FADS6: variants seen among roughly 807,000 people sequenced by gnomAD.
FADS6 encodes the protein fatty acid desaturase domain family, member 6.
Under a neutral mutation model 31.7 loss-of-function variants are expected in FADS6, and 28 were observed. The observed-to-expected ratio is 0.88, with a 90% CI of 0.66 to 1.21. The LOEUF is 1.21. Ranked by LOEUF, FADS6 falls within the 50% of genes most tolerant of loss-of-function variation. FADS6 has a pLI of 0.00. For synonymous variants in FADS6, 191 were observed against 213.1 expected (o/e 0.90, Z 0.90); for missense variants, 494 against 504.2 (o/e 0.98, Z 0.19).
intron 3 of FADS6, among the ~76,000 whole-genome samples, chr17:74,881,574 CTGTGGT>C (rs991162790): frequency 6.6e-6 from 1 of 151,732 alleles, no homozygotes; most frequent in African/African-American, 2.4e-5. Context: ...TGGCGCACAC[CTGTGGT>C]CCCAGCTACT....
chr17:74,884,521 C>A (rs2038604150), intron 2 of FADS6, among the ~76,000 whole-genome samples: 1 of 152,154 alleles, frequency 6.6e-6, no homozygotes, highest in Admixed American at 6.5e-5. Context: ...GTTTCACGGG[C>A]TCAGCGTTCT....
At chr17:74,886,238 CAAAAAAA>C (rs550950451) in intron 2 of FADS6, among the ~76,000 whole-genome samples, 2 of 42,144 alleles carry the variant, frequency 4.7e-5, no homozygotes, top group South Asian at 8.0e-4. Context: ...GATTCCATCT[CAAAAAAA>C]AAAAAAAAAA....
intron 2 of FADS6, 66 bp from the exon 3 acceptor site, chr17:74,882,776 T>A (rs748214032): frequency 1.3e-6 from 2 of 1,552,110 alleles, no homozygotes; most frequent in African/African-American, 2.7e-5. Context: ...TGCAGGACCT[T>A]TGAGAGCCCG....
Position 74,878,241 on chromosome 17 carries a change from G to A in FADS6, c.*90C>T, listed in dbSNP as rs1288343518. On this transcript the variant is annotated 3_prime_UTR_variant, in exon 6 of 6. Transcript: ENST00000612771. The stretch of plus-strand genomic sequence containing the variant: ...CCTCCACTCTCCAGGTCCACCACCA[G>A]CCACTGAGCCACACCCCCTGGACCA... 5 of 1,480,560 alleles carry A rather than the reference G, an allele frequency of 3.4e-6. No individual in the cohort carries two copies. The highest frequency in any genetic ancestry group is 2.5e-5 in the East Asian group (1 of 39,612). The allele number at this position is 1,480,560 out of a possible 1,614,324, so 91.7% of individuals were successfully genotyped here. A position where few individuals can be genotyped will look rare whatever the true frequency, so the allele number is the denominator to read the frequency against.
Position 74,882,589 on chromosome 17 carries a change from T to C in FADS6, c.533A>G (p.Tyr178Cys), listed in dbSNP as rs2144711452. Residue 178 changes from tyrosine to cysteine, a missense_variant, in exon 3 of 6, where the codon TAT (tyrosine) becomes TGT (cysteine). Coordinates refer to ENST00000612771, the MANE Select transcript of FADS6 (RefSeq NM_178128.6). ...GAAAGGAGCAAGGAACATGTAGACA[T>C]AGCGGTTGAGGCAAGGCAGCCTCCA... The part of the protein sequence containing the change: ...STWRLPCLNR[Y>C]VYMFLAPFLL... The C allele has an allele frequency of 1.2e-6, 2 of 1,612,020 alleles. No homozygotes were observed. Among genetic ancestry groups the C allele is most frequent in the Non-Finnish European group, 8.5e-7 (1 of 1,179,218 alleles).
At chr17:74,888,159 C>CGT (rs2038648734) in intron 2 of FADS6, among the ~76,000 whole-genome samples, 5 of 95,198 alleles carry the variant, frequency 5.3e-5, no homozygotes, top group Admixed American at 1.8e-4. Flanking sequence ...CACACACGCG[C>CGT]GCGCGCGCGC....
intron 3 of FADS6, 58 bp from the exon 4 acceptor site, chr17:74,881,313 G>A: frequency 6.7e-7 from 1 of 1,489,450 alleles, no homozygotes; most frequent in Non-Finnish European, 9.0e-7. Context: ...GCTCCCTGCT[G>A]GCTCAAGCGT....
chr17:74,892,420 C>CT, intron 2 of FADS6, 103 bp downstream of exon 2: 1 of 1,404,458 alleles, frequency 7.1e-7, no homozygotes, highest in Non-Finnish European at 9.6e-7. Context: ...GGCCTGCCCC[C>CT]GTGGGCACAT....
rs960519329 is a variant in FADS6 at position 74,892,561 on chromosome 17, T to C, written c.373A>G (p.Lys125Glu). 4 of 1,613,462 alleles carry C rather than the reference T, an allele frequency of 2.5e-6. No homozygotes were observed. Among genetic ancestry groups the C allele is most frequent in the Non-Finnish European group, 1.7e-6 (2 of 1,179,682 alleles). ...LATHGALTES[K>E]RWSKIWLLFF... ...AGCAGCCAGATCTTGCTCCAGCGTT[T>C]GGACTCGGTGAGGGCCCCATGAGTG... Residue 125 changes from lysine to glutamate, a missense_variant, in exon 2 of 6, where the codon AAA becomes GAA. Physicochemically the swap from Lys to Glu is moderately conservative, Grantham distance 56 (BLOSUM62 1). Around this residue, in one of 2 missense-constraint regions of FADS6, gnomAD observed 454 missense variants for 438.5 expected, o/e 1.04. Transcript: ENST00000612771.
chr17:74,879,333 G>A, intron 5 of FADS6, 71 bp downstream of exon 5: 2 of 1,553,018 alleles, frequency 1.3e-6, no homozygotes, highest in Non-Finnish European at 1.7e-6. Context: ...ACGCCCCCAG[G>A]CCGAAGAATC....
In FADS6 at chr17:74,878,338, C is replaced by G. The variant is rs746564981; in HGVS notation, c.1100G>C (p.Gly367Ala). ...VQAPPITELV[G>A]L Reference sequence around the variant, plus strand: ...TGCACCGGCCCGGCCTCATTACAGCCCCACAAGCTCAGTGATGGGTGGGGC... The same window carrying G: ...TGCACCGGCCCGGCCTCATTACAGCGCCACAAGCTCAGTGATGGGTGGGGC... The change falls in exon 6 of 6, where the codon GGG becomes GCG. Residue 367 changes from glycine to alanine, a missense_variant. Gly to Ala is a moderately conservative substitution (Grantham distance 60). Transcript: ENST00000612771. 2 of 1,613,372 alleles carry G rather than the reference C, an allele frequency of 1.2e-6. No individual in the cohort carries two copies. The highest frequency in any genetic ancestry group is 2.2e-5 in the South Asian group (2 of 90,982).
chr17:74,887,281 C>T (rs551219354), intron 2 of FADS6, among the ~76,000 whole-genome samples: 4 of 152,210 alleles, frequency 2.6e-5, no homozygotes, highest in South Asian at 4.1e-4. Context: ...GACAGGCTCT[C>T]GCTGTGTTGC....
In FADS6 at chr17:74,878,527, G is replaced by A. The variant is rs892293581; in HGVS notation, c.961-50C>T. 5.0e-6 allele frequency: 8 copies of A among 1,597,586 alleles called. No individual in the cohort carries two copies. The African/African-American group carries it at 9.4e-5, about 19-fold the overall frequency. ...GCCTATGAGCAGGGGCTGTGGGCAG[G>A]CCCATCATCCCGTCAGGGGAGGGAG... On this transcript the variant is annotated intron_variant, in intron 5 of 5. Coordinates refer to ENST00000612771, the MANE Select transcript of FADS6 (RefSeq NM_178128.6).
At position 74,878,300 on chromosome 17, in the gene FADS6, G is replaced by A; in HGVS notation, c.*31C>T. On this transcript the variant is annotated 3_prime_UTR_variant, in exon 6 of 6. Transcript: ENST00000612771. ...AGGAGGGCCAGGGCCAGGCCAGGGAGGGGCAGGGTGGCTGCACCGGCCCGG... is the reference window on the plus strand; with the variant it reads ...AGGAGGGCCAGGGCCAGGCCAGGGAAGGGCAGGGTGGCTGCACCGGCCCGG... 1 of 1,597,738 alleles carries A rather than the reference G, an allele frequency of 6.3e-7. No homozygotes were observed. Among genetic ancestry groups the A allele is most frequent in the African/African-American group, 1.3e-5 (1 of 74,782 alleles).
At chr17:74,881,030 C>T in intron 4 of FADS6, 38 bp downstream of exon 4, 1 of 1,583,708 alleles carries the variant, frequency 6.3e-7, no homozygotes, top group Non-Finnish European at 8.6e-7. Context: ...AGAATGCTCC[C>T]CTTAGCTGCC....
chr17:74,884,906 G>A (rs1359263539), intron 2 of FADS6, among the ~76,000 whole-genome samples: 2 of 151,938 alleles, frequency 1.3e-5, no homozygotes, highest in South Asian at 4.2e-4. Context: ...ACGGAGTTTC[G>A]CCACGTTGGC....
At chr17:74,890,627 T>C (rs2038679486) in intron 2 of FADS6, among the ~76,000 whole-genome samples, 1 of 152,068 alleles carries the variant, frequency 6.6e-6, no homozygotes, top group African/African-American at 2.4e-5. Flanking sequence ...TGGAAGAATA[T>C]TGCCAAGAGC....
chr17:74,890,065 T>A (rs1349444477), intron 2 of FADS6, among the ~76,000 whole-genome samples: 5 of 152,118 alleles, frequency 3.3e-5, no homozygotes, highest in African/African-American at 1.2e-4. Context: ...GTGTTATTTC[T>A]CCTGTTTATT....
At chr17:74,876,317 A>G (rs780419859), downstream of FADS6, among the ~76,000 whole-genome samples, 2 of 152,154 alleles carry the variant, frequency 1.3e-5, no homozygotes, top group Non-Finnish European at 2.9e-5. Flanking sequence ...TCACTGAAAA[A>G]CAAGGCAATT....
Sources: gnomAD v4.1 joint callset for allele counts (sites outside exome capture counted in the v4.1 genomes callset) on GRCh38, gnomAD v4.1.1 for gene constraint, gnomAD v4.1.1 regional missense constraint, MANE v1.5 for transcripts, NCBI Gene and HGNC (gene_info 2026-07-23, HGNC 2026-07-21) for gene names.